The following IDE variants were observed in gnomAD, a reference collection of about 807,000 sequenced individuals.
The protein encoded by IDE is insulin degrading enzyme.
Under a neutral mutation model 133.2 loss-of-function variants are expected in IDE, and 58 were observed. The observed-to-expected ratio is 0.44, with a 90% CI of 0.35 to 0.54. The LOEUF is 0.54. Ranked by LOEUF, IDE falls within the 20% of genes least tolerant of loss-of-function variation. IDE has a pLI of 0.00. For missense variants in IDE, 981 were observed against 1,234.0 expected, an observed-to-expected ratio of 0.79 and a Z score of 3.07; for synonymous variants, 396 against 421.3, an observed-to-expected ratio of 0.94 and a Z score of 0.73.
intron 22 of IDE, among the ~76,000 whole-genome samples, chr10:92,459,159 G>T (rs1309513853): frequency 6.6e-6 from 1 of 152,144 alleles, no homozygotes; most frequent in Admixed American, 6.5e-5. Context: ...TTTGCATACA[G>T]CCTTAATAAT....
chr10:92,499,785 C>G (rs1847910392), intron 11 of IDE, among the ~76,000 whole-genome samples: 1 of 152,046 alleles, frequency 6.6e-6, no homozygotes, highest in Non-Finnish European at 1.5e-5. Context: ...GAAATCTTTG[C>G]CTATCGCAAG....
At chr10:92,572,403 C>G (rs1843828190) in intron 1 of IDE, among the ~76,000 whole-genome samples, 1 of 152,168 alleles carries the variant, frequency 6.6e-6, no homozygotes, top group African/African-American at 2.4e-5. Context: ...CAGAGGAGAA[C>G]AAGTTCCATA....
chr10:92,484,544 C>T (rs185132256), intron 13 of IDE, among the ~76,000 whole-genome samples: 16 of 152,174 alleles, frequency 1.1e-4, no homozygotes, highest in South Asian at 1.0e-3. Context: ...ATCAGCCTGG[C>T]CAAAACAGCA....
At chr10:92,516,553 T>C (rs1326967779) in intron 4 of IDE, among the ~76,000 whole-genome samples, 1 of 152,192 alleles carries the variant, frequency 6.6e-6, no homozygotes, top group Non-Finnish European at 1.5e-5. Flanking sequence ...AGATAGTAGG[T>C]ATTATGAGTG....
At chr10:92,501,777 C>T (rs951876759) in intron 11 of IDE, among the ~76,000 whole-genome samples, 3 of 151,964 alleles carry the variant, frequency 2.0e-5, no homozygotes, top group Non-Finnish European at 4.4e-5. Flanking sequence ...GAGTTCGAGA[C>T]CAGCCTGGTC....
intron 11 of IDE, among the ~76,000 whole-genome samples, chr10:92,502,034 T>A (rs11187031): frequency 1.3e-5 from 2 of 151,546 alleles, no homozygotes; most frequent in Admixed American, 6.6e-5. Context: ...TCCCAGCTAC[T>A]CAGGAAGCTG....
Position 92,454,397 on chromosome 10 carries a change from A to C in IDE, c.*47T>G, listed in dbSNP as rs756104289. The C allele has an allele frequency of 2.4e-6, 3 of 1,245,858 alleles. No homozygotes were observed. Among genetic ancestry groups the C allele is most frequent in the South Asian group, 2.4e-5 (2 of 83,660 alleles). The allele number at this position is 1,245,858 out of a possible 1,614,324, so 77.2% of individuals were successfully genotyped here. On this transcript the variant is annotated 3_prime_UTR_variant, in exon 25 of 25. Coordinates refer to ENST00000265986, the MANE Select transcript of IDE (RefSeq NM_004969.4). Reference sequence around the variant, plus strand: ...CAAGATGATTTTCTTAGGCTCTGGAAGACTCAGGAATGCATCCACTTGCAC... The same window carrying C: ...CAAGATGATTTTCTTAGGCTCTGGACGACTCAGGAATGCATCCACTTGCAC...
intron 3 of IDE, among the ~76,000 whole-genome samples, chr10:92,534,331 T>C (rs1278110724): frequency 2.0e-5 from 3 of 152,214 alleles, no homozygotes; most frequent in Admixed American, 6.5e-5. Flanking sequence ...ACATGCTTTA[T>C]ATGTAACACC....
intron 1 of IDE, among the ~76,000 whole-genome samples, chr10:92,546,734 C>T (rs1842548052): frequency 6.6e-6 from 1 of 152,154 alleles, no homozygotes; most frequent in Non-Finnish European, 1.5e-5. Context: ...TTACTCATTA[C>T]ATATTATTTG....
At position 92,514,934 on chromosome 10, in the gene IDE, C is replaced by A. The variant is rs189181823; in HGVS notation, c.770G>T (p.Cys257Phe). The change falls in exon 5 of 25, where the codon TGT (cysteine) becomes TTT (phenylalanine). Residue 257 changes from cysteine to phenylalanine, a missense_variant. Cys to Phe is a radical substitution (Grantham distance 205). This residue lies in a region of IDE where 321 missense variants were observed against 339.3 expected (regional missense o/e 0.95). Transcript: ENST00000265986. ...AYYSSNLMAVCVLGRESLDDL... is the reference protein window; with the variant it reads ...AYYSSNLMAVFVLGRESLDDL... ...AGGGTTCTTACCTCGACCTAAAACA[C>A]AAACAGCCATTAAGTTGGATGAATA... 1.9e-6 allele frequency: 3 copies of A among 1,611,670 alleles called. No individual in the cohort carries two copies. Among genetic ancestry groups the A allele is most frequent in the Non-Finnish European group, 2.5e-6 (3 of 1,178,898 alleles).
chr10:92,555,262 C>T (rs1842953737), intron 1 of IDE, among the ~76,000 whole-genome samples: 1 of 151,930 alleles, frequency 6.6e-6, no homozygotes, highest in South Asian at 2.1e-4. Flanking sequence ...ACTTTGGGAG[C>T]TGAGATGGGG....
chr10:92,540,662 A>AATG (rs763549593), intron 1 of IDE, among the ~76,000 whole-genome samples: 5 of 152,136 alleles, frequency 3.3e-5, no homozygotes, highest in East Asian at 1.9e-4. Flanking sequence ...GAAATGTAAT[A>AATG]ATGATGATGA....
chr10:92,479,658 T>A, intron 14 of IDE: 1 of 383,098 alleles, frequency 2.6e-6, no homozygotes, highest in Non-Finnish European at 4.8e-6. Context: ...TGCGCACTGG[T>A]AGTAGTGAAG....
At chr10:92,549,272 T>C in intron 1 of IDE, among the ~76,000 whole-genome samples, 1 of 151,886 alleles carries the variant, frequency 6.6e-6, no homozygotes, top group East Asian at 1.9e-4. Context: ...AAAAAAAGAT[T>C]TTGGCACAAA....
intron 15 of IDE, 23 bp downstream of exon 15, chr10:92,479,254 G>A (rs1386321079): frequency 1.3e-6 from 2 of 1,541,010 alleles, no homozygotes; most frequent in African/African-American, 1.4e-5. Context: ...ATGAGTGGAA[G>A]GCTCTAAGGC....
chr10:92,482,472 A>G (rs1271873942), intron 14 of IDE, among the ~76,000 whole-genome samples: 1 of 152,194 alleles, frequency 6.6e-6, no homozygotes, highest in Non-Finnish European at 1.5e-5. Context: ...GAAATAGAGG[A>G]AGCAGTATCT....
Position 92,452,608 on chromosome 10 carries a change from T to G in IDE, c.*1836A>C, listed in dbSNP as rs1054516497. 1 of 152,270 alleles carries G rather than the reference T, an allele frequency of 6.6e-6. No individual in the cohort carries two copies. Among genetic ancestry groups the G allele is most frequent in the East Asian group, 1.9e-4 (1 of 5,206 alleles). 9.4% of individuals were successfully genotyped at this position (152,270 alleles called of 1,614,324 possible). ...GAGATTGCTCTCAGATCTCTTCATG[T>G]GTCATTCTCATAAAAAAGACACTTA... On this transcript the variant is annotated 3_prime_UTR_variant, in exon 25 of 25. Coordinates refer to ENST00000265986, the MANE Select transcript of IDE (RefSeq NM_004969.4).
chr10:92,486,565 C>T (rs941792069), intron 13 of IDE, among the ~76,000 whole-genome samples: 3 of 151,384 alleles, frequency 2.0e-5, no homozygotes, highest in African/African-American at 7.3e-5. Flanking sequence ...AGAAGAAATA[C>T]GTTTAGAAGG....
intron 10 of IDE, 43 bp downstream of exon 10, chr10:92,506,399 A>G: frequency 2.3e-6 from 2 of 874,356 alleles, no homozygotes; most frequent in African/African-American, 1.7e-5. Context: ...TTGCTGAAAT[A>G]CTCCACACAG....
Sources: gnomAD v4.1 joint callset for allele counts (sites outside exome capture counted in the v4.1 genomes callset) on GRCh38, gnomAD v4.1.1 for gene constraint, gnomAD v4.1.1 regional missense constraint, MANE v1.5 for transcripts, NCBI Gene and HGNC (gene_info 2026-07-23, HGNC 2026-07-21) for gene names.